The following GALM variants were observed in gnomAD, a reference collection of about 807,000 sequenced individuals.
GALM encodes galactose mutarotase.
Under a neutral mutation model 37.4 loss-of-function variants are expected in GALM, and 43 were observed. The ratio of observed to expected loss-of-function variants is 1.15; its 90% CI spans 0.90 to 1.48. The LOEUF (loss-of-function observed/expected upper bound fraction) is 1.48, where lower values mean the gene tolerates loss of function less well. GALM is among the 40% of genes most tolerant of loss of function. The pLI is 0.00. For missense variants in GALM, 456 were observed against 419.1 expected, an observed-to-expected ratio of 1.09 and a Z score of -0.77; for synonymous variants, 199 against 170.6, an observed-to-expected ratio of 1.17 and a Z score of -1.30.
intron 4 of GALM, among the ~76,000 whole-genome samples, chr2:38,723,003 T>A (rs950026191): frequency 6.6e-6 from 1 of 152,170 alleles, no homozygotes; most frequent in Admixed American, 6.6e-5. Flanking sequence ...TCTTTCATTC[T>A]TCGTCACCAG....
At chr2:38,723,185 A>G (rs992180963) in intron 4 of GALM, among the ~76,000 whole-genome samples, 4 of 152,190 alleles carry the variant, frequency 2.6e-5, no homozygotes, top group Non-Finnish European at 5.9e-5. Flanking sequence ...ATCACTTGAT[A>G]TATGTGAAAG....
intron 1 of GALM, among the ~76,000 whole-genome samples, chr2:38,675,465 T>C (rs1398471590): frequency 7.3e-5 from 11 of 151,586 alleles, no homozygotes; most frequent in African/African-American, 2.4e-4. Context: ...ATGTGCAGCA[T>C]TCGTCTGAAG....
At chr2:38,699,038 C>T (rs758831562) in intron 4 of GALM, among the ~76,000 whole-genome samples, 11 of 152,136 alleles carry the variant, frequency 7.2e-5, no homozygotes, top group Non-Finnish European at 1.0e-4. Flanking sequence ...CTCAGCCTCC[C>T]GAGTAGCTGG....
At chr2:38,710,124 T>C (rs1272599549) in intron 4 of GALM, among the ~76,000 whole-genome samples, 1 of 152,194 alleles carries the variant, frequency 6.6e-6, no homozygotes, top group Non-Finnish European at 1.5e-5. Flanking sequence ...TCAGTGCTTG[T>C]CAGCATTCAT....
At chr2:38,723,193 A>C (rs1666418994) in intron 4 of GALM, among the ~76,000 whole-genome samples, 1 of 152,192 alleles carries the variant, frequency 6.6e-6, no homozygotes, top group South Asian at 2.1e-4. Flanking sequence ...ATATATGTGA[A>C]AGTTGGTTAT....
chr2:38,732,049 T>C, intron 6 of GALM, 140 bp downstream of exon 6: 1 of 774,754 alleles, frequency 1.3e-6, no homozygotes, highest in Non-Finnish European at 2.1e-6. Context: ...AGACAGAGTC[T>C]CACTCTTGTC....
chr2:38,710,419 T>C (rs568423207), intron 4 of GALM, among the ~76,000 whole-genome samples: 1 of 152,216 alleles, frequency 6.6e-6, no homozygotes, highest in East Asian at 1.9e-4. Context: ...CCTTCCTGTA[T>C]TGAGGTGAGA....
In GALM at chr2:38,733,806, A is replaced by C; in HGVS notation, c.*241A>C. The C allele has an allele frequency of 8.1e-6, 4 of 494,166 alleles. No homozygotes were observed. The highest frequency in any genetic ancestry group is 3.1e-5 in the Admixed American group (1 of 31,910). The allele number at this position is 494,166 out of a possible 1,614,324, so 30.6% of individuals were successfully genotyped here. ...AGAGGGCAAGTGAACCCAACCAACAATGTCGTCATCTAAGCCCTGACCCTA... is the reference window on the plus strand; with the variant it reads ...AGAGGGCAAGTGAACCCAACCAACACTGTCGTCATCTAAGCCCTGACCCTA... On this transcript the variant is annotated 3_prime_UTR_variant, in exon 7 of 7. Coordinates refer to ENST00000272252, the MANE Select transcript of GALM (RefSeq NM_138801.3).
At chr2:38,708,424 G>T (rs1243252081) in intron 4 of GALM, among the ~76,000 whole-genome samples, 2 of 152,188 alleles carry the variant, frequency 1.3e-5, no homozygotes, top group African/African-American at 4.8e-5. Context: ...CTACCTCAGT[G>T]AGTTAACAGA....
At position 38,714,187 on chromosome 2, in the gene GALM, AT is replaced by A. The variant is rs1346003141; in HGVS notation, c.635-15366del. On this transcript the variant is annotated intron_variant, in intron 4 of 6. Coordinates refer to ENST00000272252, the MANE Select transcript of GALM (RefSeq NM_138801.3). ...CATATAGTACATGCATTATTAGCTC[AT>A]TTAACTACTTTGGGGTTTTTTTTGC... Among the ~76,000 whole-genome samples the A allele has an allele frequency of 2.0e-5, 3 of 151,928 alleles. No individual in the cohort carries two copies. The East Asian group carries it at 5.8e-4, about 29-fold the overall frequency.
chr2:38,718,435 G>A (rs1045745342), intron 4 of GALM, among the ~76,000 whole-genome samples: 20 of 151,700 alleles, frequency 1.3e-4, no homozygotes, highest in Admixed American at 9.2e-4. Context: ...CTGACCTCAG[G>A]TGATCTGCCC....
chr2:38,698,796 A>T (rs1665861637), intron 4 of GALM, among the ~76,000 whole-genome samples: 1 of 152,180 alleles, frequency 6.6e-6, no homozygotes, highest in Non-Finnish European at 1.5e-5. Flanking sequence ...TGTTTTTGAG[A>T]TGGGGTCTCA....
chr2:38,666,599 A>G (rs1166183570), intron 1 of GALM, among the ~76,000 whole-genome samples: 1 of 152,204 alleles, frequency 6.6e-6, no homozygotes, highest in African/African-American at 2.4e-5. Context: ...AGTTAACGTA[A>G]AAGGTCAGCT....
Position 38,675,538 on chromosome 2 carries a change from TTTTTTTGTGTGTGTGTGTGTGTG to T in GALM, c.191-372_191-350del, listed in dbSNP as rs1665232181. 6.5e-5 allele frequency among the ~76,000 whole-genome samples: 6 copies of T among 92,512 alleles called. No homozygotes were observed. The South Asian group carries it at 1.6e-3, about 24-fold the overall frequency. The allele number at this position is 92,512 out of a possible 152,430, so 60.7% of individuals were successfully genotyped here. On this transcript the variant is annotated intron_variant, in intron 1 of 6. Transcript: ENST00000272252. ...TGAGGGTTTTTTTGTTTTTTTTTTTTTTTTTTGTGTGTGTGTGTGTGTGTGTGTGTGTGTGTGTGTGTGTGTGT... is the reference window on the plus strand; with the variant it reads ...TGAGGGTTTTTTTGTTTTTTTTTTTTTGTGTGTGTGTGTGTGTGTGTGTGT...
At chr2:38,731,944 G>C (rs781505466) in intron 6 of GALM, 35 bp downstream of exon 6, 6 of 1,563,868 alleles carry the variant, frequency 3.8e-6, no homozygotes, top group Non-Finnish European at 4.4e-6. Flanking sequence ...GAGTAGAGTT[G>C]TGTCCAAGGT....
chr2:38,701,625 A>G (rs75675814), intron 4 of GALM, among the ~76,000 whole-genome samples: 2,242 of 152,296 alleles, frequency 0.015, 49 homozygotes, highest in African/African-American at 0.049. Context: ...AACGCTTGCC[A>G]TGAGGCTGTG....
intron 4 of GALM, among the ~76,000 whole-genome samples, chr2:38,691,643 C>T (rs930522844): frequency 6.6e-6 from 1 of 151,728 alleles, no homozygotes. Flanking sequence ...GTGATCTCTG[C>T]TGCACTCTAC....
intron 3 of GALM, among the ~76,000 whole-genome samples, chr2:38,684,406 C>T (rs1255233966): frequency 2.0e-5 from 3 of 151,926 alleles, no homozygotes; most frequent in African/African-American, 7.2e-5. Flanking sequence ...GGTGTGGTGG[C>T]TCATGCCTGT....
intron 4 of GALM, among the ~76,000 whole-genome samples, chr2:38,695,400 C>G (rs549449504): frequency 6.6e-6 from 1 of 152,224 alleles, no homozygotes; most frequent in Non-Finnish European, 1.5e-5. Flanking sequence ...GGGTGGCGTT[C>G]AGCTATCTGG....
Sources: allele counts gnomAD v4.1 joint callset (sites outside exome capture counted in the v4.1 genomes callset), GRCh38; gene constraint gnomAD v4.1.1; transcripts MANE v1.5; gene names NCBI Gene and HGNC (gene_info 2026-07-23, HGNC 2026-07-21).